GARNL3: variants seen among roughly 807,000 people sequenced by gnomAD.
GARNL3 encodes GTPase-activating Rap/Ran-GAP domain-like protein 3.
GARNL3 carries 63 observed loss-of-function variants against 125.0 expected under a neutral mutation model. The ratio of observed to expected loss-of-function variants is 0.50; its 90% CI spans 0.41 to 0.62. GARNL3 has a LOEUF of 0.62. GARNL3 is among the 20% of genes least tolerant of loss of function. The probability of loss-of-function intolerance (pLI) is 0.00; values close to 1 mark genes in which losing one functional copy is unlikely to be tolerated. For missense variants in GARNL3, 994 were observed against 1,244.0 expected, an observed-to-expected ratio of 0.80 and a Z score of 3.02; for synonymous variants, 439 against 457.5, an observed-to-expected ratio of 0.96 and a Z score of 0.52.
chr9:127,269,777 GTTTTT>G (rs1272579288), intron 1 of GARNL3, among the ~76,000 whole-genome samples: 2 of 88,544 alleles, frequency 2.3e-5, no homozygotes, highest in East Asian at 9.5e-4. Flanking sequence ...GTTTTGTTTT[GTTTTT>G]TGTGTTTTTT....
At position 127,341,474 on chromosome 9, in the gene GARNL3, T is replaced by A. The variant is rs1396461666; in HGVS notation, c.1136-745T>A. The stretch of plus-strand genomic sequence containing the variant: ...TCAAATCAAGCCAGAAAGCTGAAAT[T>A]GTATGTGAAATTGTCCGAGTCTCAT... On this transcript the variant is annotated intron_variant, in intron 13 of 27. Coordinates refer to ENST00000373387, the MANE Select transcript of GARNL3 (RefSeq NM_032293.5). Among the ~76,000 whole-genome samples, 3 of 152,252 alleles carry A rather than the reference T, an allele frequency of 2.0e-5. No homozygotes were observed. The East Asian group carries it at 5.8e-4, about 29-fold the overall frequency.
At chr9:127,284,136 A>G (rs2064178034) in intron 1 of GARNL3, among the ~76,000 whole-genome samples, 1 of 152,138 alleles carries the variant, frequency 6.6e-6, no homozygotes, top group Non-Finnish European at 1.5e-5. Flanking sequence ...TCCTCAGAAG[A>G]TGCTCTGGGC....
chr9:127,246,931 C>T (rs202151808), intron 2 of GARNL3, among the ~76,000 whole-genome samples: 308 of 99,070 alleles, frequency 3.1e-3, no homozygotes, highest in South Asian at 3.9e-3. Context: ...GACCTTCCTT[C>T]TTTTTTTTTT....
At chr9:127,341,557 C>T (rs927643525) in intron 13 of GARNL3, among the ~76,000 whole-genome samples, 2 of 152,182 alleles carry the variant, frequency 1.3e-5, no homozygotes, top group African/African-American at 4.8e-5. Context: ...ACAGAGTCAG[C>T]AACAGAGTGG....
At chr9:127,232,751 G>A (rs2063041282) in intron 1 of GARNL3, among the ~76,000 whole-genome samples, 1 of 152,246 alleles carries the variant, frequency 6.6e-6, no homozygotes, top group African/African-American at 2.4e-5. Flanking sequence ...TAGACCAAGT[G>A]TTGGGAAAAG....
intron 16 of GARNL3, among the ~76,000 whole-genome samples, chr9:127,348,670 CATT>C (rs1040325604): frequency 7.9e-5 from 12 of 152,204 alleles, no homozygotes; most frequent in Non-Finnish European, 1.2e-4. Flanking sequence ...CTCTGAAAAA[CATT>C]ATAATACAGA....
rs1053244287 is a variant in GARNL3 at position 127,392,170 on chromosome 9, C to T, written c.2871-913C>T. ...TCAAACATCAGGGGAGGCTGAGCCTCCTCTCAGAAGTCATAACCTGACAAG... is the reference window on the plus strand; with the variant it reads ...TCAAACATCAGGGGAGGCTGAGCCTTCTCTCAGAAGTCATAACCTGACAAG... On this transcript the variant is annotated intron_variant, in intron 27 of 27. Coordinates refer to ENST00000373387, the MANE Select transcript of GARNL3 (RefSeq NM_032293.5). This position sits in a 1 kb window ranked among gnomAD's most constrained non-coding sequence, Gnocchi z 5.2. Among the ~76,000 whole-genome samples the T allele has an allele frequency of 1.3e-5, 2 of 152,220 alleles. No individual in the cohort carries two copies. The highest frequency in any genetic ancestry group is 2.4e-5 in the African/African-American group (1 of 41,452).
chr9:127,291,366 G>T, intron 2 of GARNL3, 124 bp downstream of exon 2: 1 of 800,964 alleles, frequency 1.2e-6, no homozygotes. Context: ...TGAAGCAAAT[G>T]GAAGGGAAAT....
intron 16 of GARNL3, among the ~76,000 whole-genome samples, chr9:127,348,605 C>G (rs1830265681): frequency 6.6e-6 from 1 of 152,166 alleles, no homozygotes; most frequent in Admixed American, 6.5e-5. Flanking sequence ...TGGCCCAACT[C>G]CCAGGTGTTA....
rs1830621344 is a variant in GARNL3, at chr9:127,355,179, G to A, written c.1760-118G>A. ...TTGCCTAGTGTCGGAAACATTCTCAGTCCATTCACTGAGTTATGCTTAATT... is the reference window on the plus strand; with the variant it reads ...TTGCCTAGTGTCGGAAACATTCTCAATCCATTCACTGAGTTATGCTTAATT... On this transcript the variant is annotated intron_variant, in intron 19 of 27. Transcript: ENST00000373387. 4 of 765,520 alleles carry A rather than the reference G, an allele frequency of 5.2e-6. No individual in the cohort carries two copies. In the African/African-American group the frequency reaches 6.9e-5, roughly 13 times the overall value. The allele number at this position is 765,520 out of a possible 1,614,324, so 47.4% of individuals were successfully genotyped here.
chr9:127,347,968 A>G (rs1168141516), intron 16 of GARNL3, among the ~76,000 whole-genome samples: 1 of 152,222 alleles, frequency 6.6e-6, no homozygotes, highest in Non-Finnish European at 1.5e-5. Flanking sequence ...GCCGTTTTCA[A>G]AGGTGGTCCT....
intron 1 of GARNL3, among the ~76,000 whole-genome samples, chr9:127,231,041 T>TAC (rs1564835229): frequency 4.9e-4 from 23 of 47,286 alleles, no homozygotes; most frequent in Non-Finnish European, 7.4e-4. Context: ...TATACATATA[T>TAC]ATATATATAT....
chr9:127,242,990 C>T lies in GARNL3; in HGVS notation c.-28-89C>T. 1 of 1,142,124 alleles carries T rather than the reference C, an allele frequency of 8.8e-7. No homozygotes were observed. The highest frequency in any genetic ancestry group is 1.1e-6 in the Non-Finnish European group (1 of 873,876). 70.7% of individuals were successfully genotyped at this position (1,142,124 alleles called of 1,614,324 possible). A position where few individuals can be genotyped will look rare whatever the true frequency, so the allele number is the denominator to read the frequency against. The stretch of plus-strand genomic sequence containing the variant: ...CCCTCCTCCTTGCTTACCAGCGGGG[C>T]TGCCTTTGGGAGGAGGGTAAAGCAG... On this transcript the variant is annotated intron_variant, in intron 1 of 10. Coordinates refer to the GARNL3 transcript ENST00000439286. The surrounding 1 kb of genome is among the most constrained non-coding windows in gnomAD (Gnocchi z 4.6).
At position 127,385,794 on chromosome 9, in the gene GARNL3, G is replaced by T. The variant is rs112037163; in HGVS notation, c.2388+649G>T. 8.9e-4 allele frequency among the ~76,000 whole-genome samples: 136 copies of T among 152,292 alleles called. 1 individual carries two copies. Among genetic ancestry groups the T allele is most frequent in the African/African-American group, 3.1e-3 (130 of 41,560 alleles). On this transcript the variant is annotated intron_variant, in intron 24 of 27. Coordinates refer to ENST00000373387, the MANE Select transcript of GARNL3 (RefSeq NM_032293.5). The surrounding 1 kb of genome is among the most constrained non-coding windows in gnomAD (Gnocchi z 4.1). ...TGACATCCATCACATTTGGTGGTAG[G>T]TGACTGCCTATTTGTTCATCTTTGC...
intron 12 of GARNL3, among the ~76,000 whole-genome samples, chr9:127,338,695 A>T (rs1205027551): frequency 6.6e-6 from 1 of 152,192 alleles, no homozygotes; most frequent in Non-Finnish European, 1.5e-5. Context: ...AATACCAAGT[A>T]TGCTGCCTGG....
At chr9:127,285,585 C>T (rs1010131086) in intron 1 of GARNL3, among the ~76,000 whole-genome samples, 1 of 152,094 alleles carries the variant, frequency 6.6e-6, no homozygotes, top group Non-Finnish European at 1.5e-5. Flanking sequence ...TTGCCTTGAC[C>T]TATCAGAGAG....
At chr9:127,309,871 T>C (rs556776828) in intron 2 of GARNL3, among the ~76,000 whole-genome samples, 2 of 152,368 alleles carry the variant, frequency 1.3e-5, no homozygotes, top group South Asian at 2.1e-4. Context: ...GCTAGAGGCA[T>C]GTCAAAGTCA....
intron 22 of GARNL3, among the ~76,000 whole-genome samples, chr9:127,381,979 G>A (rs1197121653): frequency 6.6e-6 from 1 of 151,766 alleles, no homozygotes; most frequent in East Asian, 1.9e-4. Flanking sequence ...ACATTCAGAT[G>A]TTTAGTAACA....
At chr9:127,279,356 C>G (rs2064045107) in intron 1 of GARNL3, among the ~76,000 whole-genome samples, 2 of 152,044 alleles carry the variant, frequency 1.3e-5, no homozygotes, top group Admixed American at 1.3e-4. Flanking sequence ...TTGATTATTG[C>G]TTGTTTTTTC....
Sources: gnomAD v4.1 joint callset for allele counts (sites outside exome capture counted in the v4.1 genomes callset) on GRCh38, gnomAD v4.1.1 for gene constraint, Gnocchi (gnomAD v3.1) non-coding constraint, MANE v1.5 for transcripts, NCBI Gene and HGNC (gene_info 2026-07-23, HGNC 2026-07-21) for gene names.